Variants in NTNG1 observed in about 807,000 individuals in gnomAD.
NTNG1 encodes the protein netrin G1, also known as netrin-G1.
Under a neutral mutation model 54.0 loss-of-function variants are expected in NTNG1, and 16 were observed. The observed-to-expected ratio is 0.30, with a 90% confidence interval of 0.20 to 0.45. The LOEUF (loss-of-function observed/expected upper bound fraction) is 0.45, where lower values mean the gene tolerates loss of function less well. Among genes scored for constraint, NTNG1 ranks in the 20% least tolerant of loss-of-function variants. The pLI, the probability that NTNG1 is intolerant of heterozygous loss-of-function variation, is 1.00. For synonymous variants in NTNG1, 255 were observed against 263.1 expected (o/e 0.97, Z 0.30); for missense variants, 530 against 678.7 (o/e 0.78, Z 2.43).
chr1:107,317,461 C>T (rs986127100), intron 2 of NTNG1, among the ~76,000 whole-genome samples: 4 of 152,124 alleles, frequency 2.6e-5, no homozygotes, highest in African/African-American at 9.7e-5. Flanking sequence ...TCATATTCAA[C>T]CCCACTTGAT....
chr1:107,368,727 AC>A (rs2100982742), intron 3 of NTNG1, among the ~76,000 whole-genome samples: 1 of 152,226 alleles, frequency 6.6e-6, no homozygotes, highest in Non-Finnish European at 1.5e-5. Flanking sequence ...TCTCAAGGGG[AC>A]TCAGTTGTTT....
At chr1:107,376,258 A>C (rs1339188046) in intron 3 of NTNG1, among the ~76,000 whole-genome samples, 1 of 150,618 alleles carries the variant, frequency 6.6e-6, no homozygotes, top group Non-Finnish European at 1.5e-5. Flanking sequence ...AATACAAGAA[A>C]TTAGCTGGGC....
intron 3 of NTNG1, among the ~76,000 whole-genome samples, chr1:107,349,591 C>T (rs1343793312): frequency 6.6e-6 from 1 of 152,168 alleles, no homozygotes; most frequent in African/African-American, 2.4e-5. Context: ...ACCATCCACA[C>T]TCACATCTAG....
intron 2 of NTNG1, among the ~76,000 whole-genome samples, chr1:107,236,671 T>G (rs552147456): frequency 8.6e-4 from 131 of 152,332 alleles, no homozygotes; most frequent in African/African-American, 2.9e-3. Context: ...TTGACTCATG[T>G]GGGCAGGTCT....
At chr1:107,142,477 C>G (rs1653803102) in intron 1 of NTNG1, among the ~76,000 whole-genome samples, 1 of 152,056 alleles carries the variant, frequency 6.6e-6, no homozygotes, top group Non-Finnish European at 1.5e-5. Context: ...CGGTCCTCCT[C>G]TCTCACCCAT....
intron 3 of NTNG1, among the ~76,000 whole-genome samples, chr1:107,332,538 A>G (rs777615662): frequency 5.9e-5 from 9 of 152,080 alleles, no homozygotes; most frequent in Non-Finnish European, 8.8e-5. Context: ...TGTGGTCTGC[A>G]TCTTTGGAAT....
intron 4 of NTNG1, chr1:107,395,616 C>T (rs1672638643): frequency 3.7e-6 from 2 of 538,520 alleles, no homozygotes; most frequent in Admixed American, 5.1e-5. Context: ...TTTTTTTCCT[C>T]CCCCAAATTA....
chr1:107,404,698 TA>T lies in NTNG1; in HGVS notation c.1061-2977del, dbSNP rs1570886658. On this transcript the variant is annotated intron_variant, in intron 4 of 7. Coordinates refer to ENST00000370068, the MANE Select transcript of NTNG1 (RefSeq NM_001113226.3). ...CCTCAGATCTGTCAGGCAAACACAT[TA>T]AAAAAATGCAAAAACAAGTTGATAA... Among the ~76,000 whole-genome samples, 4 of 151,888 alleles carry T rather than the reference TA, an allele frequency of 2.6e-5. No individual in the cohort carries two copies. The South Asian group carries it at 8.3e-4, about 32-fold the overall frequency.
At chr1:107,378,674 A>G (rs1438935354) in intron 3 of NTNG1, among the ~76,000 whole-genome samples, 1 of 152,176 alleles carries the variant, frequency 6.6e-6, no homozygotes, top group Non-Finnish European at 1.5e-5. Context: ...CCCAAGGTAC[A>G]GGTTCACAGG....
At chr1:107,380,460 A>G (rs1346895577) in intron 3 of NTNG1, among the ~76,000 whole-genome samples, 2 of 151,988 alleles carry the variant, frequency 1.3e-5, no homozygotes, top group Non-Finnish European at 2.9e-5. Flanking sequence ...TTTTTTCTTT[A>G]TCTGTAAAAT....
chr1:107,147,406 G>A (rs1654205126), intron 1 of NTNG1, among the ~76,000 whole-genome samples: 1 of 151,768 alleles, frequency 6.6e-6, no homozygotes. Flanking sequence ...ATAAAAAGAT[G>A]TAAAAATATA....
intron 3 of NTNG1, among the ~76,000 whole-genome samples, chr1:107,367,416 AT>A (rs1044724807): frequency 1.3e-5 from 2 of 152,128 alleles, no homozygotes; most frequent in Non-Finnish European, 2.9e-5. Context: ...GTAGTAAATA[AT>A]TCTGGAGTGA....
chr1:107,216,443 C>T (rs1427539799), intron 2 of NTNG1, among the ~76,000 whole-genome samples: 1 of 152,058 alleles, frequency 6.6e-6, no homozygotes, highest in Non-Finnish European at 1.5e-5. Context: ...ATCTGATATA[C>T]CACATTTATT....
intron 2 of NTNG1, among the ~76,000 whole-genome samples, chr1:107,278,959 C>T (rs1232984257): frequency 6.6e-6 from 1 of 152,096 alleles, no homozygotes; most frequent in East Asian, 1.9e-4. Context: ...TTAATAGTTA[C>T]ATTTTGTGCT....
At chr1:107,400,510 A>G (rs755424144) in intron 4 of NTNG1, among the ~76,000 whole-genome samples, 1 of 152,188 alleles carries the variant, frequency 6.6e-6, no homozygotes, top group Non-Finnish European at 1.5e-5. Context: ...AGAAAGGTTA[A>G]GTTGTTCCAA....
intron 1 of NTNG1, among the ~76,000 whole-genome samples, chr1:107,146,140 T>C (rs890708790): frequency 6.6e-6 from 1 of 152,016 alleles, no homozygotes; most frequent in Non-Finnish European, 1.5e-5. Context: ...ATATTAAAAA[T>C]AAACACACAA....
intron 4 of NTNG1, among the ~76,000 whole-genome samples, chr1:107,400,942 G>A (rs906474352): frequency 6.6e-5 from 10 of 152,236 alleles, no homozygotes; most frequent in East Asian, 1.9e-4. Flanking sequence ...GAGCCACCAC[G>A]CCCAGCCCAT....
chr1:107,252,063 TG>T (rs1662640911), intron 2 of NTNG1, among the ~76,000 whole-genome samples: 1 of 152,222 alleles, frequency 6.6e-6, no homozygotes, highest in African/African-American at 2.4e-5. Context: ...GTTCCTCATT[TG>T]TAAAATGAGG....
At chr1:107,359,854 T>C in intron 3 of NTNG1, among the ~76,000 whole-genome samples, 1 of 152,182 alleles carries the variant, frequency 6.6e-6, no homozygotes, top group East Asian at 1.9e-4. Flanking sequence ...GAAATACATA[T>C]TTATAGAAAA....
Sources: allele counts gnomAD v4.1 joint callset (sites outside exome capture counted in the v4.1 genomes callset), GRCh38; gene constraint gnomAD v4.1.1; transcripts MANE v1.5; gene names NCBI Gene and HGNC (gene_info 2026-07-23, HGNC 2026-07-21).